Variants in REDIC1 observed in about 807,000 individuals in gnomAD.
REDIC1 encodes HEI10 Interacting Protein 1.
chr12:39,712,599 A>ATATATGTATATACGTATATACG, the REDIC1 span, among the ~76,000 whole-genome samples: 15 of 144,020 alleles, frequency 1.0e-4, no homozygotes, highest in African/African-American at 2.8e-4. Flanking sequence ...ACGTATATAC[A>ATATATGTATATACGTATATACG]TATATATGTA....
the REDIC1 span, among the ~76,000 whole-genome samples, chr12:39,686,405 T>C: frequency 4.0e-5 from 6 of 151,616 alleles, no homozygotes; most frequent in Non-Finnish European, 7.4e-5. Flanking sequence ...CCATCAAGGC[T>C]TACAGTTTGC....
the REDIC1 span, among the ~76,000 whole-genome samples, chr12:39,676,250 G>A: frequency 1.3e-5 from 2 of 150,344 alleles, no homozygotes; most frequent in African/African-American, 2.4e-5. Flanking sequence ...ATGTCATAAA[G>A]AAAAGACAAT....
the REDIC1 span, among the ~76,000 whole-genome samples, chr12:39,896,220 A>G: frequency 6.7e-6 from 1 of 148,376 alleles, no homozygotes; most frequent in Non-Finnish European, 1.5e-5. Flanking sequence ...ATATACGTAT[A>G]CATATATGCA....
the REDIC1 span, among the ~76,000 whole-genome samples, chr12:39,822,451 A>G: frequency 1.5e-3 from 230 of 152,294 alleles, no homozygotes; most frequent in African/African-American, 5.0e-3. Context: ...ATCTAAACTC[A>G]TATTTACTGT....
At chr12:39,760,343 G>T in the REDIC1 span, 3 of 1,185,538 alleles carry the variant, frequency 2.5e-6, no homozygotes, top group Non-Finnish European at 3.5e-6. Context: ...TTTTTTTCTG[G>T]TCAGTCATGC....
At chr12:39,858,505 A>G in the REDIC1 span, among the ~76,000 whole-genome samples, 2 of 152,222 alleles carry the variant, frequency 1.3e-5, no homozygotes, top group Admixed American at 1.3e-4. Context: ...ATAATATTAT[A>G]TTCACTGTCA....
At chr12:39,706,566 CTATAGTAACCAAAACAGCATGAGAAG>C in the REDIC1 span, among the ~76,000 whole-genome samples, 3 of 151,914 alleles carry the variant, frequency 2.0e-5, no homozygotes, top group African/African-American at 7.2e-5. Context: ...TACTACAGAA[CTATAGTAACCAAAACAGCATGAGAAG>C]TATAGTAACC....
the REDIC1 span, among the ~76,000 whole-genome samples, chr12:39,713,454 A>G: frequency 1.3e-5 from 2 of 148,794 alleles, no homozygotes; most frequent in East Asian, 2.0e-4. Flanking sequence ...ATATGTATAC[A>G]TACATTTGTA....
the REDIC1 span, among the ~76,000 whole-genome samples, chr12:39,742,544 C>T: frequency 2.0e-5 from 3 of 152,076 alleles, no homozygotes; most frequent in Non-Finnish European, 4.4e-5. Flanking sequence ...TTGGAGCTCT[C>T]GGGTAGAGGG....
At chr12:39,713,667 A>G in the REDIC1 span, among the ~76,000 whole-genome samples, 13 of 149,898 alleles carry the variant, frequency 8.7e-5, 1 homozygote, top group African/African-American at 2.9e-4. Flanking sequence ...ATGCGTATAT[A>G]CATATGTATG....
At chr12:39,737,508 C>G in the REDIC1 span, among the ~76,000 whole-genome samples, 1 of 152,226 alleles carries the variant, frequency 6.6e-6, no homozygotes, top group Admixed American at 6.5e-5. Flanking sequence ...ACTCAGTAAT[C>G]ATTTATTGAT....
the REDIC1 span, among the ~76,000 whole-genome samples, chr12:39,899,128 G>C: frequency 2.0e-5 from 3 of 152,046 alleles, no homozygotes; most frequent in Non-Finnish European, 4.4e-5. Flanking sequence ...TTTTTGGTTG[G>C]TAAGCTATTG....
the REDIC1 span, among the ~76,000 whole-genome samples, chr12:39,734,181 G>T: frequency 6.6e-6 from 1 of 152,118 alleles, no homozygotes; most frequent in Non-Finnish European, 1.5e-5. Context: ...GACCCTTTGC[G>T]CTTCCTGGGT....
the REDIC1 span, among the ~76,000 whole-genome samples, chr12:39,667,522 G>T: frequency 6.6e-6 from 1 of 152,198 alleles, no homozygotes; most frequent in African/African-American, 2.4e-5. Flanking sequence ...GCGGTGTCGT[G>T]CTGAGAAGAA....
chr12:39,637,526 A>T, the REDIC1 span, among the ~76,000 whole-genome samples: 1 of 152,114 alleles, frequency 6.6e-6, no homozygotes, highest in Non-Finnish European at 1.5e-5. Flanking sequence ...ATGTAAAACA[A>T]CGTTGAAAGC....
chr12:39,793,406 CTA>C, the REDIC1 span, among the ~76,000 whole-genome samples: 2,177 of 152,202 alleles, frequency 0.014, 16 homozygotes, highest in Middle Eastern at 0.037. Flanking sequence ...CCAAATTGAT[CTA>C]TAGAGTCAAT....
At chr12:39,856,006 T>G in the REDIC1 span, among the ~76,000 whole-genome samples, 2 of 152,198 alleles carry the variant, frequency 1.3e-5, no homozygotes, top group African/African-American at 2.4e-5. Flanking sequence ...TCTACTAGCA[T>G]GCCCATAGAA....
At chr12:39,720,600 G>A in the REDIC1 span, among the ~76,000 whole-genome samples, 2 of 152,006 alleles carry the variant, frequency 1.3e-5, no homozygotes, top group African/African-American at 4.8e-5. Context: ...CCTCCTGGGA[G>A]GTATAGCAGA....
the REDIC1 span, among the ~76,000 whole-genome samples, chr12:39,743,411 TATC>T: frequency 6.6e-6 from 1 of 152,320 alleles, no homozygotes; most frequent in South Asian, 2.1e-4. Context: ...AAAGTTTACT[TATC>T]AGAGTTCCTT....
Sources: allele counts gnomAD v4.1 joint callset (sites outside exome capture counted in the v4.1 genomes callset), GRCh38; gene constraint gnomAD v4.1.1; transcripts MANE v1.5; gene names NCBI Gene and HGNC (gene_info 2026-07-23, HGNC 2026-07-21).